Variants in JAM2 observed in about 807,000 individuals in gnomAD.
The protein encoded by JAM2 is junctional adhesion molecule 2, also known as junctional adhesion molecule B.
JAM2 carries 17 observed loss-of-function variants against 42.0 expected under a neutral mutation model. The observed-to-expected ratio is 0.40, with a 90% CI of 0.28 to 0.61. The LOEUF (loss-of-function observed/expected upper bound fraction) is 0.61, where lower values mean the gene tolerates loss of function less well. JAM2 is among the 20% of genes least tolerant of loss of function. The pLI is 0.37. For missense variants in JAM2, 319 were observed against 358.3 expected, an observed-to-expected ratio of 0.89 and a Z score of 0.89; for synonymous variants, 118 against 128.6, an observed-to-expected ratio of 0.92 and a Z score of 0.56.
At chr21:25,671,451 C>T (rs1448567814) in intron 1 of JAM2, among the ~76,000 whole-genome samples, 1 of 152,036 alleles carries the variant, frequency 6.6e-6, no homozygotes, top group Non-Finnish European at 1.5e-5. Context: ...ACCTGTATCC[C>T]TTTATGTGCC....
intron 5 of JAM2, among the ~76,000 whole-genome samples, chr21:25,699,442 G>C (rs1341136932): frequency 6.6e-6 from 1 of 152,120 alleles, no homozygotes; most frequent in Admixed American, 6.5e-5. Flanking sequence ...AAATTGCGCG[G>C]CCGGGCGCAG....
intron 1 of JAM2, among the ~76,000 whole-genome samples, chr21:25,641,198 G>A (rs1409180130): frequency 9.2e-6 from 1 of 108,642 alleles, no homozygotes; most frequent in African/African-American, 3.0e-5. Context: ...CAACAGAGAG[G>A]TAGGCTGGAG....
At chr21:25,693,406 C>A (rs560419919) in intron 3 of JAM2, among the ~76,000 whole-genome samples, 3 of 151,838 alleles carry the variant, frequency 2.0e-5, no homozygotes, top group Non-Finnish European at 4.4e-5. Context: ...TACAGGCGCC[C>A]GCCACCACAC....
chr21:25,683,831 G>A, intron 1 of JAM2, 52 bp from the exon 2 acceptor site: 4 of 1,349,008 alleles, frequency 3.0e-6, no homozygotes, highest in East Asian at 2.4e-5. Context: ...TCAGACATTT[G>A]AAAATGAACT....
rs186471073 is a variant in JAM2, at chr21:25,646,420, C to T, written c.67+6532C>T. On this transcript the variant is annotated intron_variant, in intron 1 of 9. Transcript: ENST00000480456. ...TTTCAATGTTATTCTCTCTCCCACA[C>T]GTAAGTTTATTTTCAGTATTTGTTT... Among the ~76,000 whole-genome samples the T allele has an allele frequency of 1.2e-3, 187 of 152,290 alleles. 1 individual carries two copies. The highest frequency in any genetic ancestry group is 4.4e-3 in the African/African-American group (182 of 41,550).
At chr21:25,708,154 A>AT in intron 7 of JAM2, among the ~76,000 whole-genome samples, 1 of 152,272 alleles carries the variant, frequency 6.6e-6, no homozygotes, top group African/African-American at 2.4e-5. Context: ...GGCCTTTAAA[A>AT]ATATATTTTA....
chr21:25,664,168 A>G lies in JAM2; in HGVS notation c.68-19715A>G, dbSNP rs528488497. ...TTCCCATGCCATTGAAATTACTATC[A>G]TTGTATCGCCAATAATTTACTAGTT... On this transcript the variant is annotated intron_variant, in intron 1 of 9. Transcript: ENST00000480456. Among the ~76,000 whole-genome samples the G allele has an allele frequency of 5.9e-5, 9 of 152,210 alleles. No individual in the cohort carries two copies. The East Asian group carries it at 1.5e-3, about 26-fold the overall frequency.
At chr21:25,712,135 C>A in intron 8 of JAM2, 2 of 595,312 alleles carry the variant, frequency 3.4e-6, no homozygotes, top group Admixed American at 2.5e-5. Context: ...AGGCTTCACA[C>A]TGATGTTTTG....
At chr21:25,661,831 C>A (rs1234848058) in intron 1 of JAM2, among the ~76,000 whole-genome samples, 1 of 152,106 alleles carries the variant, frequency 6.6e-6, no homozygotes, top group Non-Finnish European at 1.5e-5. Context: ...AAATTATATA[C>A]TCTATTTTTA....
intron 1 of JAM2, among the ~76,000 whole-genome samples, chr21:25,683,561 A>G (rs1424902964): frequency 6.6e-6 from 1 of 152,162 alleles, no homozygotes; most frequent in Non-Finnish European, 1.5e-5. Context: ...GTGACACTAG[A>G]TTGCATATTA....
intron 2 of JAM2, among the ~76,000 whole-genome samples, chr21:25,684,821 C>T (rs2033714205): frequency 6.6e-6 from 1 of 152,126 alleles, no homozygotes; most frequent in Non-Finnish European, 1.5e-5. Context: ...TGGTCTTGTA[C>T]TCCTGGGCTC....
At chr21:25,703,248 C>G (rs1243822384) in intron 6 of JAM2, among the ~76,000 whole-genome samples, 2 of 152,150 alleles carry the variant, frequency 1.3e-5, no homozygotes, top group African/African-American at 2.4e-5. Flanking sequence ...AAACATCTAC[C>G]TTTGCCTTCT....
chr21:25,645,865 G>A (rs915860875), intron 1 of JAM2, among the ~76,000 whole-genome samples: 1 of 152,144 alleles, frequency 6.6e-6, no homozygotes, highest in African/African-American at 2.4e-5. Context: ...AAGTATTTGT[G>A]TACCTAAACA....
chr21:25,708,449 T>C (rs1033916510), intron 7 of JAM2, among the ~76,000 whole-genome samples: 1 of 152,166 alleles, frequency 6.6e-6, no homozygotes, highest in African/African-American at 2.4e-5. Flanking sequence ...ACACCTTTAG[T>C]TCCAGCTACT....
intron 4 of JAM2, among the ~76,000 whole-genome samples, 199 bp from the exon 5 acceptor site, chr21:25,698,478 G>T (rs1263760270): frequency 6.6e-6 from 1 of 152,164 alleles, no homozygotes; most frequent in African/African-American, 2.4e-5. Flanking sequence ...TGGGAAACAT[G>T]GTCGACTGTG....
At chr21:25,693,996 T>C in intron 4 of JAM2, 88 bp downstream of exon 4, 1 of 1,280,512 alleles carries the variant, frequency 7.8e-7, no homozygotes, top group Non-Finnish European at 1.1e-6. Flanking sequence ...TCCATAAACA[T>C]GCCAGCATCA....
At chr21:25,708,340 A>G (rs2034313110) in intron 7 of JAM2, among the ~76,000 whole-genome samples, 1 of 152,144 alleles carries the variant, frequency 6.6e-6, no homozygotes, top group Non-Finnish European at 1.5e-5. Context: ...AGGCCGAGGC[A>G]GGAGGATCAC....
At chr21:25,665,455 T>C (rs1012218388) in intron 1 of JAM2, among the ~76,000 whole-genome samples, 1 of 152,186 alleles carries the variant, frequency 6.6e-6, no homozygotes, top group Non-Finnish European at 1.5e-5. Context: ...ATGATGCTTG[T>C]ATTAGGGTTG....
rs751408864 is a variant in JAM2, at chr21:25,712,403, T to C, written c.864+21T>C. ...AAAATGTGAGTATCTTTAAAGCATATTTATAGAATGAATATGTTTGGGGAA... is the reference window on the plus strand; with the variant it reads ...AAAATGTGAGTATCTTTAAAGCATACTTATAGAATGAATATGTTTGGGGAA... On this transcript the variant is annotated intron_variant, in intron 9 of 9. Coordinates refer to ENST00000480456, the MANE Select transcript of JAM2 (RefSeq NM_021219.4). The C allele has an allele frequency of 1.6e-5, 24 of 1,525,142 alleles. No individual in the cohort carries two copies. The South Asian group carries it at 2.6e-4, about 17-fold the overall frequency. The allele number at this position is 1,525,142 out of a possible 1,614,324, so 94.5% of individuals were successfully genotyped here.
Sources: allele counts gnomAD v4.1 joint callset (sites outside exome capture counted in the v4.1 genomes callset), GRCh38; gene constraint gnomAD v4.1.1; transcripts MANE v1.5; gene names NCBI Gene and HGNC (gene_info 2026-07-23, HGNC 2026-07-21).